Variants in PCTP observed in about 807,000 individuals in gnomAD.
PCTP encodes phosphatidylcholine transfer protein.
Under a neutral mutation model 31.0 loss-of-function variants are expected in PCTP, and 27 were observed. The ratio of observed to expected loss-of-function variants is 0.87; its 90% CI spans 0.64 to 1.20. The LOEUF (loss-of-function observed/expected upper bound fraction) is 1.20. PCTP is among the 50% of genes most tolerant of loss of function. PCTP has a pLI of 0.00. For synonymous variants in PCTP, 108 were observed against 101.2 expected, an observed-to-expected ratio of 1.07 and a Z score of -0.40; for missense variants, 287 against 268.2, an observed-to-expected ratio of 1.07 and a Z score of -0.49.
chr17:55,814,469 A>G (rs1037689500), intron 3 of PCTP, among the ~76,000 whole-genome samples: 1 of 152,184 alleles, frequency 6.6e-6, no homozygotes, highest in Non-Finnish European at 1.5e-5. Flanking sequence ...GGGGCCAGGC[A>G]CCTCTGGCTG....
At chr17:55,791,728 C>G (rs1911990452) in intron 3 of PCTP, among the ~76,000 whole-genome samples, 1 of 152,110 alleles carries the variant, frequency 6.6e-6, no homozygotes, top group South Asian at 2.1e-4. Context: ...CTAGTTCAAC[C>G]ATTGTGGAAG....
intron 2 of PCTP, among the ~76,000 whole-genome samples, chr17:55,785,619 A>T (rs1386501866): frequency 6.6e-6 from 1 of 152,260 alleles, no homozygotes; most frequent in Non-Finnish European, 1.5e-5. Flanking sequence ...ATCACACATT[A>T]TTCTCTCACA....
downstream of PCTP, among the ~76,000 whole-genome samples, chr17:55,846,107 G>C (rs1473232881): frequency 6.6e-6 from 1 of 151,976 alleles, no homozygotes; most frequent in African/African-American, 2.4e-5. Flanking sequence ...CAGAGTTCTA[G>C]ATATATAAGA....
chr17:55,815,141 G>C (rs555727405), intron 3 of PCTP, among the ~76,000 whole-genome samples: 33 of 152,212 alleles, frequency 2.2e-4, no homozygotes, highest in Admixed American at 1.8e-3. Context: ...ATGCACAAAA[G>C]CAATTTACTA....
intron 3 of PCTP, among the ~76,000 whole-genome samples, chr17:55,793,557 G>C (rs1912079945): frequency 6.6e-6 from 1 of 151,974 alleles, no homozygotes; most frequent in Non-Finnish European, 1.5e-5. Flanking sequence ...TTACTAAACT[G>C]TTTGGTGATT....
At chr17:55,814,792 C>T (rs1598013496) in intron 3 of PCTP, among the ~76,000 whole-genome samples, 1 of 152,124 alleles carries the variant, frequency 6.6e-6, no homozygotes, top group East Asian at 1.9e-4. Context: ...TTACTTTGAC[C>T]CATAAGCTTC....
intron 1 of PCTP, among the ~76,000 whole-genome samples, chr17:55,765,853 A>G (rs879606902): frequency 1.3e-5 from 2 of 152,164 alleles, no homozygotes; most frequent in Non-Finnish European, 2.9e-5. Flanking sequence ...TCTTTTATCC[A>G]GAGTTCTCCA....
chr17:55,774,205 G>A (rs1911179987), intron 4 of PCTP, among the ~76,000 whole-genome samples: 1 of 152,180 alleles, frequency 6.6e-6, no homozygotes, highest in Non-Finnish European at 1.5e-5. Context: ...TGGTCCTGTG[G>A]ATACATACGC....
At chr17:55,832,748 T>A (rs1412948071) in intron 5 of PCTP, among the ~76,000 whole-genome samples, 1 of 152,210 alleles carries the variant, frequency 6.6e-6, no homozygotes. Context: ...TTGATCAATA[T>A]GTTCGATGGG....
At chr17:55,834,132 A>G (rs1046186192) in intron 5 of PCTP, among the ~76,000 whole-genome samples, 1 of 152,056 alleles carries the variant, frequency 6.6e-6, no homozygotes. Context: ...CAGCACCCCT[A>G]CTTTCCTCTT....
chr17:55,792,477 T>C (rs1912031998), intron 3 of PCTP, among the ~76,000 whole-genome samples: 1 of 151,776 alleles, frequency 6.6e-6, no homozygotes, highest in South Asian at 2.1e-4. Flanking sequence ...AAAAATAAAA[T>C]AAAATAAAAT....
chr17:55,751,579 C>A, intron 1 of PCTP: 1 of 1,174,784 alleles, frequency 8.5e-7, no homozygotes, highest in Non-Finnish European at 1.1e-6. Flanking sequence ...CGTTGATCCT[C>A]ACTCTCCAAT....
chr17:55,832,112 A>G (rs1233901643), intron 5 of PCTP, among the ~76,000 whole-genome samples: 1 of 152,074 alleles, frequency 6.6e-6, no homozygotes, highest in African/African-American at 2.4e-5. Context: ...CAAAAAACAA[A>G]AACAGAAACA....
Position 55,795,519 on chromosome 17 carries a change from G to A in PCTP, c.317+7865G>A, listed in dbSNP as rs116560713. Among the ~76,000 whole-genome samples the A allele has an allele frequency of 3.4e-3, 515 of 152,092 alleles. 3 individuals are homozygous for A. The highest frequency in any genetic ancestry group is 0.012 in the African/African-American group (496 of 41,512). On this transcript the variant is annotated intron_variant, in intron 3 of 3. Transcript: ENST00000572536. ...ATCAAGGTGAGCCAAGAATTGTGCCGTAACTCTCTGAGAGCCAAATACTTC... is the reference window on the plus strand; with the variant it reads ...ATCAAGGTGAGCCAAGAATTGTGCCATAACTCTCTGAGAGCCAAATACTTC...
intron 1 of PCTP, among the ~76,000 whole-genome samples, chr17:55,754,298 A>G (rs879737935): frequency 6.6e-6 from 1 of 152,208 alleles, no homozygotes; most frequent in Non-Finnish European, 1.5e-5. Context: ...AGGGGATCCC[A>G]TGACCCCCTC....
chr17:55,852,492 G>A, the PCTP span, among the ~76,000 whole-genome samples: 4 of 152,238 alleles, frequency 2.6e-5, no homozygotes, highest in Admixed American at 2.6e-4. Flanking sequence ...ATTTTACCTG[G>A]CTGAATGTTT....
chr17:55,787,314 G>A (rs1911781107), intron 2 of PCTP, among the ~76,000 whole-genome samples: 1 of 151,210 alleles, frequency 6.6e-6, no homozygotes, highest in South Asian at 2.1e-4. Context: ...GTTTGTGTGT[G>A]TAGTAATATT....
At chr17:55,795,408 T>C (rs2145013811) in intron 3 of PCTP, among the ~76,000 whole-genome samples, 1 of 152,152 alleles carries the variant, frequency 6.6e-6, no homozygotes, top group Non-Finnish European at 1.5e-5. Flanking sequence ...ATTTATGTCT[T>C]TGCATAAAGG....
chr17:55,809,544 A>G (rs926943332), intron 3 of PCTP, among the ~76,000 whole-genome samples: 13 of 140,020 alleles, frequency 9.3e-5, no homozygotes, highest in African/African-American at 3.5e-4. Context: ...TTTTTTGGAG[A>G]CGAAGTCTTG....
Sources: gnomAD v4.1 joint callset for allele counts (sites outside exome capture counted in the v4.1 genomes callset) on GRCh38, gnomAD v4.1.1 for gene constraint, MANE v1.5 for transcripts, NCBI Gene and HGNC (gene_info 2026-07-23, HGNC 2026-07-21) for gene names.